Variants in MED6 observed in about 807,000 individuals in gnomAD.
MED6 encodes the protein mediator complex subunit 6, also known as mediator of RNA polymerase II transcription subunit 6.
In MED6, 33 loss-of-function variants were observed where a neutral mutation model predicts 37.5. That is an observed-to-expected ratio of 0.88 (90% CI 0.67 to 1.18). The LOEUF is 1.18. Among genes scored for constraint, MED6 ranks in the 50% most tolerant of loss-of-function variants. The pLI is 0.00. For missense variants in MED6, 235 were observed against 290.6 expected, an observed-to-expected ratio of 0.81 and a Z score of 1.39; for synonymous variants, 94 against 93.6, an observed-to-expected ratio of 1.00 and a Z score of -0.02.
chr14:70,585,242 A>C (rs983020328), intron 7 of MED6, among the ~76,000 whole-genome samples: 1 of 152,228 alleles, frequency 6.6e-6, no homozygotes, highest in Non-Finnish European at 1.5e-5. Flanking sequence ...ACCTGTTTTC[A>C]ATAATGTAAC....
At position 70,583,880 on chromosome 14, in the gene MED6, C is replaced by A. The variant is rs1884618870; in HGVS notation, c.*933G>T. Reference sequence around the variant, plus strand: ...CTGTGCTGCCTAGGGACTTTGCAGACTTCCTACCAGCAAGAAGGCCCTCAC... The same window carrying A: ...CTGTGCTGCCTAGGGACTTTGCAGAATTCCTACCAGCAAGAAGGCCCTCAC... On this transcript the variant is annotated 3_prime_UTR_variant, in exon 8 of 8. Transcript: ENST00000256379. 2.5e-6 allele frequency: 1 copy of A among 393,712 alleles called. No individual in the cohort carries two copies. Among genetic ancestry groups the A allele is most frequent in the East Asian group, 3.6e-5 (1 of 27,428 alleles). The allele number at this position is 393,712 out of a possible 1,614,324, so 24.4% of individuals were successfully genotyped here.
chr14:70,594,996 C>T (rs1292587031), intron 3 of MED6: 1 of 585,336 alleles, frequency 1.7e-6, no homozygotes, highest in Non-Finnish European at 3.4e-6. Flanking sequence ...GTACTGTGGA[C>T]AATGCCCACA....
rs183469273 is a variant in MED6, at chr14:70,595,494, T to G, written c.274+1117A>C. 4 of 654,896 alleles carry G rather than the reference T, an allele frequency of 6.1e-6. No homozygotes were observed. The East Asian group carries it at 9.6e-5, about 16-fold the overall frequency. The allele number at this position is 654,896 out of a possible 1,614,324, so 40.6% of individuals were successfully genotyped here. On this transcript the variant is annotated intron_variant, in intron 3 of 7. Transcript: ENST00000256379. ...CTCGATGAGAAATCTGAAGGCCAGC[T>G]TGGAGAACAGCCTGAGGGAGGTGGA...
At chr14:70,595,050 C>A in intron 3 of MED6, 1 of 558,780 alleles carries the variant, frequency 1.8e-6, no homozygotes, top group South Asian at 1.4e-5. Context: ...CTGATAGAGT[C>A]AAGTATGAGA....
intron 6 of MED6, among the ~76,000 whole-genome samples, chr14:70,589,664 G>GT (rs1884814634): frequency 6.6e-6 from 1 of 152,186 alleles, no homozygotes; most frequent in South Asian, 2.1e-4. Flanking sequence ...GTAATGGGTT[G>GT]TAAGTTTAAA....
At chr14:70,599,210 C>T (rs1303958097) in intron 1 of MED6, among the ~76,000 whole-genome samples, 1 of 152,074 alleles carries the variant, frequency 6.6e-6, no homozygotes. Context: ...AGTTTTGAGC[C>T]AAGTGACTCA....
intron 6 of MED6, among the ~76,000 whole-genome samples, chr14:70,586,052 T>TA (rs1298689564): frequency 1.3e-5 from 2 of 152,202 alleles, no homozygotes; most frequent in East Asian, 3.8e-4. Flanking sequence ...CTTGAACATT[T>TA]AACAAAGACT....
chr14:70,592,857 G>A, intron 5 of MED6, 23 bp downstream of exon 5: 1 of 1,611,234 alleles, frequency 6.2e-7, no homozygotes, highest in Non-Finnish European at 8.5e-7. Context: ...AGTGTTTTAG[G>A]AGGGTATGGA....
Position 70,597,639 on chromosome 14 carries a change from C to A in MED6, c.161G>T (p.Arg54Met). ...TCNNEVVKMQ[R>M]LTLEHLNQMV... is the part of the protein sequence containing the mutation. Reference sequence around the variant, plus strand: ...TTACTTCAAGTGTTCTAATGTTAGCCTCTGCATTTTGACCACTTCATTATT... The same window carrying A: ...TTACTTCAAGTGTTCTAATGTTAGCATCTGCATTTTGACCACTTCATTATT... The change falls in exon 2 of 8, where the codon AGG (arginine) becomes ATG (methionine). Residue 54 changes from arginine (R) to methionine (M), a missense_variant. Coordinates refer to ENST00000256379, the MANE Select transcript of MED6 (RefSeq NM_005466.4). 6.6e-7 allele frequency: 1 copy of A among 1,516,568 alleles called. No individual in the cohort carries two copies. The highest frequency in any genetic ancestry group is 1.3e-5 in the South Asian group (1 of 76,648). The allele number at this position is 1,516,568 out of a possible 1,614,324, so 93.9% of individuals were successfully genotyped here. A position where few individuals can be genotyped will look rare whatever the true frequency, so the allele number is the denominator to read the frequency against.
chr14:70,596,838 G>C, intron 2 of MED6, 136 bp from the exon 3 acceptor site: 1 of 596,446 alleles, frequency 1.7e-6, no homozygotes, highest in South Asian at 2.7e-5. Flanking sequence ...GTTATAATCT[G>C]GCTGTTGAGT....
chr14:70,594,579 T>C (rs906406159), intron 3 of MED6: 13 of 410,386 alleles, frequency 3.2e-5, no homozygotes, highest in Non-Finnish European at 4.8e-5. Context: ...CTCCACCTTC[T>C]CCAACTACTG....
Position 70,592,928 on chromosome 14 carries a change from G to A in MED6, c.418C>T (p.His140Tyr), listed in dbSNP as rs1463611531. Residue 140 changes from histidine (H) to tyrosine (Y), a missense_variant, in exon 5 of 8, where the codon CAT (histidine) becomes TAT (tyrosine). Coordinates refer to ENST00000256379, the MANE Select transcript of MED6 (RefSeq NM_005466.4). Reference sequence around the variant, plus strand: ...TGCCACCAATACCCTTTGGAAGGATGATATCGACAGTATGACATAGCTTCA... The same window carrying A: ...TGCCACCAATACCCTTTGGAAGGATAATATCGACAGTATGACATAGCTTCA... ...FDEAMSYCRY[H>Y]PSKGYWWHFK... The A allele has an allele frequency of 1.9e-6, 3 of 1,613,802 alleles. No individual in the cohort carries two copies. Among genetic ancestry groups the A allele is most frequent in the Non-Finnish European group, 2.5e-6 (3 of 1,179,890 alleles).
intron 3 of MED6, chr14:70,595,909 G>C (rs956923415): frequency 5.7e-6 from 3 of 528,624 alleles, no homozygotes; most frequent in Non-Finnish European, 6.9e-6. Flanking sequence ...AAAATTACTT[G>C]GGATGCTTGA....
At chr14:70,587,568 T>C (rs1180919255) in intron 6 of MED6, among the ~76,000 whole-genome samples, 1 of 152,182 alleles carries the variant, frequency 6.6e-6, no homozygotes, top group Non-Finnish European at 1.5e-5. Flanking sequence ...CTGAACTACA[T>C]TTAAACTATA....
At chr14:70,591,225 A>G (rs750275363) in intron 6 of MED6, 41 bp downstream of exon 6, 12 of 1,403,834 alleles carry the variant, frequency 8.5e-6, no homozygotes, top group South Asian at 1.2e-5. Context: ...TATGCCATAA[A>G]GAAGTGTCAA....
At chr14:70,585,489 G>GAGGC in intron 7 of MED6, among the ~76,000 whole-genome samples, 1 of 151,992 alleles carries the variant, frequency 6.6e-6, no homozygotes, top group South Asian at 2.1e-4. Flanking sequence ...CGGGCAGCAT[G>GAGGC]AGGCCCAGGA....
At chr14:70,598,751 AT>A (rs769229678) in intron 1 of MED6, among the ~76,000 whole-genome samples, 9 of 152,068 alleles carry the variant, frequency 5.9e-5, no homozygotes, top group Non-Finnish European at 1.3e-4. Flanking sequence ...TTTATTGGAA[AT>A]CCTTAATGCT....
chr14:70,597,684 G>A lies in MED6; in HGVS notation c.116C>T (p.Pro39Leu), dbSNP rs1224346715. 6.4e-7 allele frequency: 1 copy of A among 1,563,564 alleles called. No homozygotes were observed. The highest frequency in any genetic ancestry group is 2.1e-5 in the Admixed American group (1 of 47,676). ...ATTATTACATGTTCTGTCATAAAAA[G>A]GATTACTTCTTTCTGAAAAGTAATC... ...VLDYFSERSN[P>L]FYDRTCNNEV... The change falls in exon 2 of 8, where the codon CCT becomes CTT. Residue 39 changes from proline to leucine, a missense_variant. By Grantham distance (98) the Pro-to-Leu change is moderately conservative (BLOSUM62 -3). Coordinates refer to ENST00000256379, the MANE Select transcript of MED6 (RefSeq NM_005466.4).
In MED6 at chr14:70,585,774, C is replaced by G. The variant is rs779067682; in HGVS notation, c.592G>C (p.Gly198Arg). The G allele has an allele frequency of 6.2e-7, 1 of 1,601,702 alleles. No individual in the cohort carries two copies. The highest frequency in any genetic ancestry group is 1.1e-5 in the South Asian group (1 of 87,944). The change falls in exon 7 of 8, where the codon GGA becomes CGA. Residue 198 changes from glycine (G) to arginine (R), a missense_variant. Coordinates refer to ENST00000256379, the MANE Select transcript of MED6 (RefSeq NM_005466.4). The stretch of plus-strand genomic sequence containing the variant: ...ACCATACCTGGAACAGGCTTTTCTC[C>G]AGGCTTTAGCTATAATTTTTTAGAA... Reference protein sequence around the residue: ...FPPKFVQLKPGEKPVPVDQTK... With the variant: ...FPPKFVQLKPREKPVPVDQTK...
Sources: gnomAD v4.1 joint callset for allele counts (sites outside exome capture counted in the v4.1 genomes callset) on GRCh38, gnomAD v4.1.1 for gene constraint, MANE v1.5 for transcripts, NCBI Gene and HGNC (gene_info 2026-07-23, HGNC 2026-07-21) for gene names.